The following ANKIB1 variants were observed in gnomAD, a reference collection of about 807,000 sequenced individuals.
ANKIB1 encodes the protein ankyrin repeat and IBR domain-containing protein 1.
ANKIB1 carries 43 observed loss-of-function variants against 122.1 expected under a neutral mutation model. That is an observed-to-expected ratio of 0.35 (90% CI 0.28 to 0.45). The LOEUF is 0.45. Among genes scored for constraint, ANKIB1 ranks in the 20% least tolerant of loss-of-function variants. ANKIB1 has a pLI of 1.00. For synonymous variants in ANKIB1, 390 were observed against 442.0 expected, an observed-to-expected ratio of 0.88 and a Z score of 1.48; for missense variants, 992 against 1,329.5, an observed-to-expected ratio of 0.75 and a Z score of 3.95.
rs1804995183 is a variant in ANKIB1 at position 92,400,708 on chromosome 7, C to T, written c.*1759C>T. On this transcript the variant is annotated 3_prime_UTR_variant, in exon 20 of 20. Transcript: ENST00000265742. ...CTTAGGATAAACTGTGGGAATCCTC[C>T]TATGCCATGGATATCAAAGGTCCAC... 6.6e-6 allele frequency: 1 copy of T among 152,080 alleles called. No individual in the cohort carries two copies. Among genetic ancestry groups the T allele is most frequent in the Non-Finnish European group, 1.5e-5 (1 of 68,026 alleles). The allele number at this position is 152,080 out of a possible 1,614,324, so 9.4% of individuals were successfully genotyped here.
intron 2 of ANKIB1, among the ~76,000 whole-genome samples, chr7:92,298,646 C>T (rs1802401873): frequency 2.0e-5 from 3 of 151,692 alleles, no homozygotes; most frequent in African/African-American, 7.3e-5. Flanking sequence ...ACTGTGTTGG[C>T]ATTTGCAGTG....
chr7:92,396,153 A>G, intron 17 of ANKIB1: 1 of 536,602 alleles, frequency 1.9e-6, no homozygotes, highest in Non-Finnish European at 3.3e-6. Context: ...TAATTTATCT[A>G]GGCAATTGTA....
chr7:92,345,989 G>A (rs1803531180), intron 7 of ANKIB1, among the ~76,000 whole-genome samples: 1 of 152,086 alleles, frequency 6.6e-6, no homozygotes, highest in African/African-American at 2.4e-5. Context: ...CTATATACAA[G>A]CTTGAAACCA....
chr7:92,279,963 T>G (rs1472316676), intron 1 of ANKIB1, among the ~76,000 whole-genome samples: 1 of 152,180 alleles, frequency 6.6e-6, no homozygotes, highest in Non-Finnish European at 1.5e-5. Flanking sequence ...AGCTCATTAG[T>G]AAATAAAAAC....
chr7:92,362,277 A>T lies in ANKIB1; in HGVS notation c.1486+4A>T, dbSNP rs1279382315. On this transcript the variant is annotated splice_donor_region_variant and intron_variant, in intron 10 of 19. Transcript: ENST00000265742. The stretch of plus-strand genomic sequence containing the variant: ...ACCGAAATGAAACCAGAAGAACGTA[A>T]GAGGAATTTTAGATAGCTTTGCTGC... 3.8e-6 allele frequency: 6 copies of T among 1,580,098 alleles called. No individual in the cohort carries two copies. The highest frequency in any genetic ancestry group is 5.2e-6 in the Non-Finnish European group (6 of 1,162,192).
rs1803213895 is a variant in ANKIB1, at chr7:92,333,320, A to G, written c.787+5420A>G. On this transcript the variant is annotated intron_variant, in intron 5 of 19. Coordinates refer to ENST00000265742, the MANE Select transcript of ANKIB1 (RefSeq NM_019004.2). Reference sequence around the variant, plus strand: ...CTGTTTCTCTAGCCTTATCTCATACAGTGCTTCCCCTCTAGTCCCATGCTA... The same window carrying G: ...CTGTTTCTCTAGCCTTATCTCATACGGTGCTTCCCCTCTAGTCCCATGCTA... Among the ~76,000 whole-genome samples, 3 of 152,268 alleles carry G rather than the reference A, an allele frequency of 2.0e-5. No homozygotes were observed. In the South Asian group the frequency reaches 6.2e-4, roughly 32 times the overall value.
At chr7:92,317,789 T>C (rs2131946979) in intron 3 of ANKIB1, among the ~76,000 whole-genome samples, 1 of 152,218 alleles carries the variant, frequency 6.6e-6, no homozygotes, top group East Asian at 1.9e-4. Flanking sequence ...GATTGTGTGT[T>C]TGTTGAGGAG....
intron 11 of ANKIB1, among the ~76,000 whole-genome samples, chr7:92,371,950 GGTGTGTGTGTGTGT>G (rs55936298): frequency 0.031 from 3,625 of 118,106 alleles, 50 homozygotes; most frequent in African/African-American, 0.039. Context: ...TTGAGAGAGG[GGTGTGTGTGTGTGT>G]GTGTGTGTGT....
chr7:92,327,694 A>C (rs1367961834), intron 4 of ANKIB1, 89 bp from the exon 5 acceptor site: 1 of 555,342 alleles, frequency 1.8e-6, no homozygotes, highest in African/African-American at 2.0e-5. Flanking sequence ...CCGTGGATAC[A>C]TTGGACTGAC....
In ANKIB1 at chr7:92,387,176, G is replaced by A. The variant is rs190671989; in HGVS notation, c.1752+533G>A. 2.4e-3 allele frequency among the ~76,000 whole-genome samples: 362 copies of A among 152,162 alleles called. 1 individual carries two copies. The highest frequency in any genetic ancestry group is 8.0e-3 in the African/African-American group (332 of 41,512). On this transcript the variant is annotated intron_variant, in intron 12 of 19. Transcript: ENST00000265742. Reference sequence around the variant, plus strand: ...GGTGCCCCTTCCTCTTCTTTTAAGAGTACCAACCCTATCAGAATAGGGCCC... The same window carrying A: ...GGTGCCCCTTCCTCTTCTTTTAAGAATACCAACCCTATCAGAATAGGGCCC...
intron 10 of ANKIB1, among the ~76,000 whole-genome samples, chr7:92,366,960 G>T (rs923402520): frequency 2.9e-4 from 44 of 152,170 alleles, no homozygotes; most frequent in African/African-American, 9.9e-4. Flanking sequence ...GCTAGGGAAG[G>T]GGAAGAAGAA....
intron 1 of ANKIB1, among the ~76,000 whole-genome samples, chr7:92,287,614 C>G (rs1802158510): frequency 1.3e-5 from 2 of 152,170 alleles, no homozygotes; most frequent in East Asian, 3.9e-4. Context: ...TATGAAATAT[C>G]TTGGGGGAGA....
Position 92,398,242 on chromosome 7 carries a change from A to T in ANKIB1, c.2563A>T (p.Asn855Tyr). ...ALSSLDEDDP[N>Y]ILLAIQLSLQ... ...GAGTTCCTTGGATGAAGACGATCCC[A>T]ATATACTTCTTGCAATACAGTTATC... Residue 855 changes from asparagine to tyrosine, a missense_variant, in exon 20 of 20, where the codon AAT (asparagine) becomes TAT (tyrosine). By Grantham distance (143) the Asn-to-Tyr change is moderately radical. This residue lies in a region of ANKIB1 where 384 missense variants were observed against 412.0 expected (regional missense o/e 0.93). Coordinates refer to ENST00000265742, the MANE Select transcript of ANKIB1 (RefSeq NM_019004.2). 1 of 1,610,240 alleles carries T rather than the reference A, an allele frequency of 6.2e-7. No homozygotes were observed. Among genetic ancestry groups the T allele is most frequent in the Non-Finnish European group, 8.5e-7 (1 of 1,178,222 alleles).
At chr7:92,284,651 A>C (rs1381780470) in intron 1 of ANKIB1, among the ~76,000 whole-genome samples, 1 of 151,692 alleles carries the variant, frequency 6.6e-6, no homozygotes, top group Non-Finnish European at 1.5e-5. Flanking sequence ...TCCTTCTTTT[A>C]CCTTTCTTCC....
chr7:92,399,008 A>C lies in ANKIB1; in HGVS notation c.*59A>C. The C allele has an allele frequency of 1.4e-6, 2 of 1,474,340 alleles. No homozygotes were observed. The highest frequency in any genetic ancestry group is 1.8e-6 in the Non-Finnish European group (2 of 1,110,384). The allele number at this position is 1,474,340 out of a possible 1,614,324, so 91.3% of individuals were successfully genotyped here. A position where few individuals can be genotyped will look rare whatever the true frequency, so the allele number is the denominator to read the frequency against. On this transcript the variant is annotated 3_prime_UTR_variant, in exon 20 of 20. Coordinates refer to ENST00000265742, the MANE Select transcript of ANKIB1 (RefSeq NM_019004.2). ...GTACAGATGGTATGCTAGGTGGAGT[A>C]TGCTTGATAGAGACTTTGATTCACT...
intron 11 of ANKIB1, among the ~76,000 whole-genome samples, chr7:92,373,638 A>G (rs1351999753): frequency 6.6e-6 from 1 of 152,184 alleles, no homozygotes; most frequent in Non-Finnish European, 1.5e-5. Context: ...TACTGCAGCA[A>G]AATCATATAT....
At chr7:92,282,374 T>C (rs907835813) in intron 1 of ANKIB1, among the ~76,000 whole-genome samples, 1 of 152,068 alleles carries the variant, frequency 6.6e-6, no homozygotes, top group Non-Finnish European at 1.5e-5. Context: ...AGGCTGGTCT[T>C]GCCAAGCAAT....
intron 1 of ANKIB1, among the ~76,000 whole-genome samples, chr7:92,283,950 T>G (rs1258561050): frequency 6.6e-6 from 1 of 152,124 alleles, no homozygotes; most frequent in Non-Finnish European, 1.5e-5. Context: ...TTTGTATTTT[T>G]AGTAGGGACG....
At chr7:92,282,152 T>C (rs1802022391) in intron 1 of ANKIB1, among the ~76,000 whole-genome samples, 1 of 151,652 alleles carries the variant, frequency 6.6e-6, no homozygotes, top group South Asian at 2.1e-4. Context: ...GCATAAGTAA[T>C]TTTTTTTTCT....
Sources: allele counts gnomAD v4.1 joint callset (sites outside exome capture counted in the v4.1 genomes callset), GRCh38; gene constraint gnomAD v4.1.1; regional missense constraint gnomAD v4.1.1; transcripts MANE v1.5; gene names NCBI Gene and HGNC (gene_info 2026-07-23, HGNC 2026-07-21).